FHL5: variants seen among roughly 807,000 people sequenced by gnomAD.
The protein encoded by FHL5 is four and a half LIM domains protein 5.
Under a neutral mutation model 32.0 loss-of-function variants are expected in FHL5, and 33 were observed. That is an observed-to-expected ratio of 1.03 (90% CI 0.78 to 1.38). FHL5 has a LOEUF of 1.38. Ranked by LOEUF, FHL5 falls within the 40% of genes most tolerant of loss-of-function variation. FHL5 has a pLI of 0.00. For missense variants in FHL5, 336 were observed against 343.9 expected (o/e 0.98, Z 0.18); for synonymous variants, 114 against 113.6 (o/e 1.00, Z -0.02).
intron 1 of FHL5, among the ~76,000 whole-genome samples, chr6:96,587,701 T>C (rs1017972646): frequency 1.3e-5 from 2 of 152,208 alleles, no homozygotes; most frequent in African/African-American, 4.8e-5. Flanking sequence ...CTATGAAAAT[T>C]AGATAATCTT....
chr6:96,574,091 T>C (rs530416607), intron 1 of FHL5, among the ~76,000 whole-genome samples: 1 of 152,264 alleles, frequency 6.6e-6, no homozygotes, highest in African/African-American at 2.4e-5. Context: ...ACACTTTTTT[T>C]CCCACTTAGA....
intron 1 of FHL5, among the ~76,000 whole-genome samples, chr6:96,602,426 C>CTTTCTTTTTTTTTTTTTT (rs1771169538): frequency 3.0e-5 from 1 of 33,684 alleles, no homozygotes; most frequent in Non-Finnish European, 6.5e-5. Context: ...TGCGTTGTTT[C>CTTTCTTTTTTTTTTTTTT]TTTTTTTTTT....
At chr6:96,570,134 T>G (rs1312597326) in intron 1 of FHL5, among the ~76,000 whole-genome samples, 1 of 152,048 alleles carries the variant, frequency 6.6e-6, no homozygotes, top group African/African-American at 2.4e-5. Context: ...TAAGTGAAAA[T>G]CACTTAAGCA....
intron 1 of FHL5, among the ~76,000 whole-genome samples, chr6:96,595,274 T>C (rs1771012520): frequency 6.6e-6 from 1 of 151,860 alleles, no homozygotes; most frequent in African/African-American, 2.4e-5. Context: ...TATTTTCTCT[T>C]AGCATTATTT....
intron 5 of FHL5, among the ~76,000 whole-genome samples, chr6:96,612,736 A>G (rs1771438407): frequency 6.6e-6 from 1 of 152,194 alleles, no homozygotes; most frequent in Admixed American, 6.5e-5. Context: ...TCTAATAACT[A>G]TCTTAATCTT....
At chr6:96,578,472 T>C (rs1381042989) in intron 1 of FHL5, among the ~76,000 whole-genome samples, 2 of 152,210 alleles carry the variant, frequency 1.3e-5, no homozygotes, top group Non-Finnish European at 2.9e-5. Context: ...TCTTCTCTTT[T>C]ACTTCTGTTA....
intron 1 of FHL5, among the ~76,000 whole-genome samples, chr6:96,580,187 G>A (rs1160584487): frequency 2.6e-5 from 4 of 152,072 alleles, no homozygotes; most frequent in Non-Finnish European, 4.4e-5. Flanking sequence ...GTTCTACCTC[G>A]TGCTGCAGCA....
chr6:96,599,655 T>G (rs1171862283), intron 1 of FHL5, among the ~76,000 whole-genome samples: 1 of 152,210 alleles, frequency 6.6e-6, no homozygotes, highest in Admixed American at 6.5e-5. Context: ...AAATAAACCT[T>G]CTAAAATCCC....
intron 1 of FHL5, among the ~76,000 whole-genome samples, chr6:96,575,491 C>T (rs1418824496): frequency 1.3e-5 from 2 of 152,184 alleles, no homozygotes; most frequent in Non-Finnish European, 2.9e-5. Flanking sequence ...ACAGTGCTCC[C>T]TCATGAGCTG....
chr6:96,591,079 G>A (rs1430531801), intron 1 of FHL5, among the ~76,000 whole-genome samples: 1 of 152,068 alleles, frequency 6.6e-6, no homozygotes, highest in African/African-American at 2.4e-5. Flanking sequence ...ATACCAAAGT[G>A]TTAATGAGTT....
intron 2 of FHL5, 101 bp downstream of exon 2, chr6:96,603,873 C>T (rs1771211439): frequency 1.1e-6 from 1 of 891,982 alleles, no homozygotes; most frequent in Non-Finnish European, 1.7e-6. Flanking sequence ...CACTATTTCT[C>T]TGCTACTGGA....
Position 96,610,771 on chromosome 6 carries a change from G to A in FHL5, c.691+13G>A, listed in dbSNP as rs1771390012. On this transcript the variant is annotated intron_variant, in intron 5 of 5. Coordinates refer to ENST00000450218, the MANE Select transcript of FHL5 (RefSeq NM_001322466.2). ...AAACCCATTAGTGGTGAGTTCTTCA[G>A]TTCAATATGATCATGCCATGAGACA... 2 of 1,581,510 alleles carry A rather than the reference G, an allele frequency of 1.3e-6. No homozygotes were observed. Among genetic ancestry groups the A allele is most frequent in the Non-Finnish European group, 1.7e-6 (2 of 1,154,256 alleles).
chr6:96,577,355 C>T (rs1231071376), intron 1 of FHL5, among the ~76,000 whole-genome samples: 1 of 151,772 alleles, frequency 6.6e-6, no homozygotes, highest in Non-Finnish European at 1.5e-5. Flanking sequence ...ACCATTCAAC[C>T]CCAACTCAAA....
At chr6:96,567,844 T>G (rs4839846) in intron 1 of FHL5, among the ~76,000 whole-genome samples, 1 of 142,810 alleles carries the variant, frequency 7.0e-6, no homozygotes, top group Non-Finnish European at 1.5e-5. Context: ...TTTTTTTTTG[T>G]ATCCTCCAAC....
At chr6:96,572,659 T>C (rs576590586) in intron 1 of FHL5, among the ~76,000 whole-genome samples, 1 of 152,302 alleles carries the variant, frequency 6.6e-6, no homozygotes, top group East Asian at 1.9e-4. Context: ...TAAGCACAGC[T>C]ATATAGACTC....
chr6:96,577,693 T>C (rs1770611434), intron 1 of FHL5, among the ~76,000 whole-genome samples: 1 of 152,192 alleles, frequency 6.6e-6, no homozygotes, highest in Admixed American at 6.5e-5. Flanking sequence ...ACCTCTCTGC[T>C]CATGCTTATG....
chr6:96,610,472 T>C (rs1771375445), intron 4 of FHL5, 100 bp from the exon 5 acceptor site: 1 of 866,172 alleles, frequency 1.2e-6, no homozygotes, highest in Non-Finnish European at 1.8e-6. Flanking sequence ...TCTTTTTGCT[T>C]CCTTTTCTCC....
intron 4 of FHL5, among the ~76,000 whole-genome samples, chr6:96,610,230 C>G (rs1771369144): frequency 6.6e-6 from 1 of 152,118 alleles, no homozygotes; most frequent in South Asian, 2.1e-4. Flanking sequence ...TTTTTCTCCC[C>G]CATCTTCCTG....
Position 96,615,655 on chromosome 6 carries a change from T to C in FHL5, c.738T>C (p.His246=), listed in dbSNP as rs1429429012. The stretch of plus-strand genomic sequence containing the variant: ...TCTGCTTTCAAGACAGCCAGTGGCA[T>C]AGCGAATGCTTTAACTGCGGGAAAT... ...KFICFQDSQW[H]SECFNCGKCS... is the part of the protein sequence containing the mutation. The change falls in exon 6 of 6, where the codon CAT becomes CAC. Residue 246 remains histidine, a synonymous_variant. Coordinates refer to ENST00000450218, the MANE Select transcript of FHL5 (RefSeq NM_001322466.2). 2 of 1,613,190 alleles carry C rather than the reference T, an allele frequency of 1.2e-6. No homozygotes were observed. Among genetic ancestry groups the C allele is most frequent in the East Asian group, 2.2e-5 (1 of 44,818 alleles).
Sources: gnomAD v4.1 joint callset for allele counts (sites outside exome capture counted in the v4.1 genomes callset) on GRCh38, gnomAD v4.1.1 for gene constraint, MANE v1.5 for transcripts, NCBI Gene and HGNC (gene_info 2026-07-23, HGNC 2026-07-21) for gene names.